Variants in PKP2 observed in about 807,000 individuals in gnomAD.
PKP2 encodes plakophilin 2, also known as plakophilin-2.
In PKP2, 73 loss-of-function variants were observed where a neutral mutation model predicts 83.4. That is an observed-to-expected ratio of 0.88 (90% CI 0.72 to 1.06). The LOEUF (loss-of-function observed/expected upper bound fraction) is 1.06. Among genes scored for constraint, PKP2 ranks in the 50% least tolerant of loss-of-function variants. The pLI is 0.00. For missense variants in PKP2, 966 were observed against 1,065.4 expected, an observed-to-expected ratio of 0.91 and a Z score of 1.30; for synonymous variants, 409 against 430.4, an observed-to-expected ratio of 0.95 and a Z score of 0.62.
chr12:32,803,475 C>G (rs1431007287), intron 9 of PKP2, among the ~76,000 whole-genome samples: 1 of 152,086 alleles, frequency 6.6e-6, no homozygotes, highest in Non-Finnish European at 1.5e-5. Context: ...TTCCCTTTTC[C>G]TTTTCTTGTA....
intron 9 of PKP2, among the ~76,000 whole-genome samples, chr12:32,818,319 G>A (rs1956339124): frequency 6.6e-6 from 1 of 152,062 alleles, no homozygotes; most frequent in Admixed American, 6.6e-5. Flanking sequence ...AAATTAGTTG[G>A]GAGTGGTGGC....
At chr12:32,875,346 A>G (rs568111987) in intron 3 of PKP2, among the ~76,000 whole-genome samples, 1 of 152,312 alleles carries the variant, frequency 6.6e-6, no homozygotes, top group Admixed American at 6.5e-5. Context: ...GTGGGGGAAA[A>G]GAAGGAAAGA....
chr12:32,792,593 A>G (rs1282941333), intron 12 of PKP2, 51 bp downstream of exon 12: 3 of 1,566,866 alleles, frequency 1.9e-6, no homozygotes, highest in African/African-American at 2.7e-5. Context: ...CAAGTGGGCC[A>G]TTATTACCTG....
At chr12:32,834,319 T>C (rs1015363516) in intron 6 of PKP2, among the ~76,000 whole-genome samples, 1 of 152,028 alleles carries the variant, frequency 6.6e-6, no homozygotes, top group Non-Finnish European at 1.5e-5. Flanking sequence ...GGAATAACAA[T>C]AGGGTTGGAT....
chr12:32,829,260 A>T (rs1038444414), intron 6 of PKP2, among the ~76,000 whole-genome samples: 6 of 138,524 alleles, frequency 4.3e-5, no homozygotes, highest in East Asian at 2.2e-4. Flanking sequence ...ATTTTTTCTT[A>T]TTTTTTTTTT....
intron 10 of PKP2, 96 bp downstream of exon 10, chr12:32,802,307 G>T: frequency 8.0e-7 from 1 of 1,257,414 alleles, no homozygotes; most frequent in Non-Finnish European, 1.2e-6. Flanking sequence ...CCCATTTCCA[G>T]TGCATCTTTG....
At chr12:32,821,957 G>A (rs890099112) in intron 8 of PKP2, 14 of 241,142 alleles carry the variant, frequency 5.8e-5, no homozygotes, top group Non-Finnish European at 9.7e-5. Flanking sequence ...CAAATACCAC[G>A]ATACTCAGAG....
chr12:32,849,018 A>AAC (rs1176665107), intron 5 of PKP2, among the ~76,000 whole-genome samples: 1 of 151,746 alleles, frequency 6.6e-6, no homozygotes, highest in African/African-American at 2.4e-5. Flanking sequence ...AAAAAAAAAA[A>AAC]AAAAAACCTC....
At chr12:32,825,162 C>CTTTTTTTTTTT (rs10607965) in intron 6 of PKP2, among the ~76,000 whole-genome samples, 2 of 76,854 alleles carry the variant, frequency 2.6e-5, no homozygotes, top group Non-Finnish European at 4.7e-5. Flanking sequence ...AGATCAGTTT[C>CTTTTTTTTTTT]TTTTTTTTTT....
At chr12:32,809,629 G>A (rs142395476) in intron 9 of PKP2, among the ~76,000 whole-genome samples, 3 of 152,326 alleles carry the variant, frequency 2.0e-5, no homozygotes, top group Middle Eastern at 3.4e-3. Context: ...CGGGGCCGGA[G>A]TATGTAAAAC....
rs1238184418 is a variant in PKP2, at chr12:32,879,041, A to G, written c.224-9T>C. On this transcript the variant is annotated splice_polypyrimidine_tract_variant and intron_variant, in intron 1 of 12. Coordinates refer to ENST00000340811, the MANE Select transcript of PKP2 (RefSeq NM_001005242.3). ...GGTTCGGTGAAGATTTCCTGCAATCAAGCAAATATTAAAATAACTCAGAAT... is the reference window on the plus strand; with the variant it reads ...GGTTCGGTGAAGATTTCCTGCAATCGAGCAAATATTAAAATAACTCAGAAT... 3 of 1,365,366 alleles carry G rather than the reference A, an allele frequency of 2.2e-6. No homozygotes were observed. In the Admixed American group the frequency reaches 5.0e-5, roughly 23 times the overall value. The allele number at this position is 1,365,366 out of a possible 1,614,324, so 84.6% of individuals were successfully genotyped here.
In PKP2 at chr12:32,791,480, G is replaced by C. The variant is rs6488090; in HGVS notation, c.*944C>G. Reference sequence around the variant, plus strand: ...GCCCCAGGCTGGCCAGGCAGTCTGAGAGAAGGCCTTAGTTCCTCTTGCAGA... The same window carrying C: ...GCCCCAGGCTGGCCAGGCAGTCTGACAGAAGGCCTTAGTTCCTCTTGCAGA... On this transcript the variant is annotated 3_prime_UTR_variant, in exon 13 of 13. Transcript: ENST00000340811. 7 of 152,224 alleles carry C rather than the reference G, an allele frequency of 4.6e-5. No homozygotes were observed. Among genetic ancestry groups the C allele is most frequent in the East Asian group, 1.9e-4 (1 of 5,188 alleles). 9.4% of individuals were successfully genotyped at this position (152,224 alleles called of 1,614,324 possible). A position where few individuals can be genotyped will look rare whatever the true frequency, so the allele number is the denominator to read the frequency against.
chr12:32,835,526 TGAA>T (rs1434251853), intron 6 of PKP2, among the ~76,000 whole-genome samples: 1 of 144,962 alleles, frequency 6.9e-6, no homozygotes, highest in Non-Finnish European at 1.5e-5. Context: ...TTTTCTCCAC[TGAA>T]GAAGAAAAAG....
chr12:32,882,886 T>G (rs1005257879), intron 1 of PKP2, among the ~76,000 whole-genome samples: 4 of 152,194 alleles, frequency 2.6e-5, no homozygotes, highest in African/African-American at 9.7e-5. Context: ...GCTGTCTGAC[T>G]GCAAGGTGGC....
In PKP2 at chr12:32,855,338, T is replaced by C. The variant is rs554863046; in HGVS notation, c.1171-4365A>G. ...CCATACAGTTCCCTCATTAGTCAAA[T>C]GGGAATTACTGTGTAAGATGAGCAG... is the stretch of plus-strand genomic sequence containing the variant. On this transcript the variant is annotated intron_variant, in intron 4 of 12. Coordinates refer to ENST00000340811, the MANE Select transcript of PKP2 (RefSeq NM_001005242.3). 7.4e-4 allele frequency among the ~76,000 whole-genome samples: 113 copies of C among 152,294 alleles called. 1 individual carries two copies. The highest frequency in any genetic ancestry group is 1.4e-3 in the South Asian group (7 of 4,830).
At chr12:32,843,156 A>T in intron 5 of PKP2, 1 of 451,650 alleles carries the variant, frequency 2.2e-6, no homozygotes, top group South Asian at 1.5e-5. Flanking sequence ...ATTTTTTTGT[A>T]TTTTGAGTAG....
chr12:32,860,845 T>C (rs1226781365), intron 4 of PKP2, among the ~76,000 whole-genome samples: 2 of 152,082 alleles, frequency 1.3e-5, no homozygotes, highest in East Asian at 1.9e-4. Context: ...CTGGCCAGCA[T>C]GGTGAAACCC....
Position 32,832,861 on chromosome 12 carries a change from T to C in PKP2, c.1556+8167A>G, listed in dbSNP as rs1391065534. On this transcript the variant is annotated intron_variant, in intron 6 of 12. Transcript: ENST00000340811. ...AAAATTAGACCCTGATTTAATTATC[T>C]TCTTAATTATCTGGGACTATGCACA... is the stretch of plus-strand genomic sequence containing the variant. Among the ~76,000 whole-genome samples the C allele has an allele frequency of 1.1e-4, 17 of 152,352 alleles. No homozygotes were observed. The South Asian group carries it at 3.5e-3, about 32-fold the overall frequency.
intron 4 of PKP2, among the ~76,000 whole-genome samples, chr12:32,866,095 G>GA (rs2137910530): frequency 6.6e-6 from 1 of 152,120 alleles, no homozygotes; most frequent in African/African-American, 2.4e-5. Flanking sequence ...GCACAACTGG[G>GA]AGAAAATATT....
Sources: gnomAD v4.1 joint callset for allele counts (sites outside exome capture counted in the v4.1 genomes callset) on GRCh38, gnomAD v4.1.1 for gene constraint, MANE v1.5 for transcripts, NCBI Gene and HGNC (gene_info 2026-07-23, HGNC 2026-07-21) for gene names.